The following MRM2 variants were observed in gnomAD, a reference collection of about 807,000 sequenced individuals.
MRM2 encodes the protein mitochondrial rRNA methyltransferase 2.
A neutral mutation model predicts 10.9 loss-of-function variants in MRM2; 15 were observed. The observed-to-expected ratio is 1.37, with a 90% confidence interval of 0.92 to 2.11. The LOEUF (loss-of-function observed/expected upper bound fraction) is 2.11, where lower values mean the gene tolerates loss of function less well. MRM2 is among the 30% of genes most tolerant of loss of function. The pLI is 0.00. For missense variants in MRM2, 328 were observed against 321.3 expected, an observed-to-expected ratio of 1.02 and a Z score of -0.16; for synonymous variants, 139 against 128.7, an observed-to-expected ratio of 1.08 and a Z score of -0.54.
Position 2,235,168 on chromosome 7 carries a change from A to T in MRM2, c.695T>A (p.Phe232Tyr). 1 of 1,614,176 alleles carries T rather than the reference A, an allele frequency of 6.2e-7. No individual in the cohort carries two copies. The highest frequency in any genetic ancestry group is 8.5e-7 in the Non-Finnish European group (1 of 1,180,028). The change falls in exon 3 of 3, where the codon TTC (phenylalanine) becomes TAC (tyrosine). Residue 232 changes from phenylalanine to tyrosine, a missense_variant. Coordinates refer to ENST00000242257, the MANE Select transcript of MRM2 (RefSeq NM_013393.3). ...ASRKESSEVYFLATQYHGRKG... is the reference protein window; with the variant it reads ...ASRKESSEVYYLATQYHGRKG... The stretch of plus-strand genomic sequence containing the variant: ...CCTTCCGTGGTACTGTGTGGCCAAG[A>T]AGTACACTTCTGATGACTCTTTCCT...
intron 2 of MRM2, 95 bp downstream of exon 2, chr7:2,239,323 C>T (rs1794477704): frequency 7.9e-7 from 1 of 1,262,954 alleles, no homozygotes; most frequent in Non-Finnish European, 1.2e-6. Context: ...CAAAAAAGGG[C>T]TCCACCATCC....
At chr7:2,236,145 G>C (rs989279994) in intron 2 of MRM2, among the ~76,000 whole-genome samples, 1 of 152,262 alleles carries the variant, frequency 6.6e-6, no homozygotes, top group Admixed American at 6.5e-5. Flanking sequence ...TAGGAGAATC[G>C]CTTGAACCCG....
At chr7:2,240,432 G>A (rs886405091) in intron 1 of MRM2, 5 of 300,436 alleles carry the variant, frequency 1.7e-5, no homozygotes, top group East Asian at 1.0e-4. Flanking sequence ...ACAGGGTCTC[G>A]CTCTATAGCC....
rs1388588354 is a variant in MRM2, at chr7:2,242,193, C to T, written c.-24G>A. 4 of 1,574,172 alleles carry T rather than the reference C, an allele frequency of 2.5e-6. No individual in the cohort carries two copies. On this transcript the variant is annotated 5_prime_UTR_variant, in exon 1 of 3. Coordinates refer to ENST00000242257, the MANE Select transcript of MRM2 (RefSeq NM_013393.3). ...ATTGGTGTTCCCCGCGCCTGCAGCG[C>T]GCCGCCGGAAGTGCCTGGCCTCACT...
chr7:2,238,201 C>G (rs1006016245), intron 2 of MRM2: 1 of 152,204 alleles, frequency 6.6e-6, no homozygotes, highest in Non-Finnish European at 1.5e-5. Context: ...GTTCAAATGC[C>G]AGTGCATGCA....
intron 2 of MRM2, 42 bp downstream of exon 2, chr7:2,239,376 T>C: frequency 6.4e-7 from 1 of 1,573,460 alleles, no homozygotes; most frequent in South Asian, 1.1e-5. Context: ...CCACTCAGCC[T>C]CAGGGGAGCC....
rs1330242569 is a variant in MRM2, at chr7:2,242,067, G to A, written c.8+95C>T. ...AGTGCGGGGACGGTGCCCAGCGCTCGGCACCCAGCCCCGAGGCCAGGACCG... is the reference window on the plus strand; with the variant it reads ...AGTGCGGGGACGGTGCCCAGCGCTCAGCACCCAGCCCCGAGGCCAGGACCG... On this transcript the variant is annotated intron_variant, in intron 1 of 2. Coordinates refer to ENST00000242257, the MANE Select transcript of MRM2 (RefSeq NM_013393.3). The A allele has an allele frequency of 2.4e-5, 32 of 1,344,928 alleles. No individual in the cohort carries two copies. The Admixed American group carries it at 5.7e-4, about 24-fold the overall frequency. 83.3% of individuals were successfully genotyped at this position (1,344,928 alleles called of 1,614,324 possible). A position where few individuals can be genotyped will look rare whatever the true frequency, so the allele number is the denominator to read the frequency against.
At chr7:2,239,385 C>G (rs780816237) in intron 2 of MRM2, 33 bp downstream of exon 2, 1 of 1,576,812 alleles carries the variant, frequency 6.3e-7, no homozygotes. Context: ...CTCAGGGGAG[C>G]CAGAAGGTGC....
intron 2 of MRM2, chr7:2,237,882 CTCTA>C: frequency 7.9e-6 from 1 of 126,888 alleles, no homozygotes; most frequent in South Asian, 2.5e-4. Context: ...CAGAGTGAGG[CTCTA>C]TAAACAAAAA....
intron 1 of MRM2, chr7:2,240,176 T>A (rs905987137): frequency 5.1e-6 from 2 of 388,486 alleles, no homozygotes; most frequent in Non-Finnish European, 5.2e-6. Flanking sequence ...GAGCCGAGAT[T>A]GCGCCACTGC....
rs1208708841 is a variant in MRM2 at position 2,239,536 on chromosome 7, G to A, written c.180C>T (p.Leu60=). Residue 60 remains leucine, a synonymous_variant, in exon 2 of 3, where the codon CTC becomes CTT. Coordinates refer to ENST00000242257, the MANE Select transcript of MRM2 (RefSeq NM_013393.3). ...TCTGGTGCCTCTCGTTCACCTCCAGGAGCTTGAAGGCGCTTCGACACCGGT... is the reference window on the plus strand; with the variant it reads ...TCTGGTGCCTCTCGTTCACCTCCAGAAGCTTGAAGGCGCTTCGACACCGGT... The part of the protein sequence containing the change: ...ESYRCRSAFK[L]LEVNERHQIL... The A allele has an allele frequency of 6.2e-7, 1 of 1,613,990 alleles. No individual in the cohort carries two copies. The highest frequency in any genetic ancestry group is 1.1e-5 in the South Asian group (1 of 91,088).
At chr7:2,241,865 C>T in intron 1 of MRM2, 1 of 402,022 alleles carries the variant, frequency 2.5e-6, no homozygotes, top group Non-Finnish European at 4.4e-6. Flanking sequence ...AATCCCGCCC[C>T]GGGCTCGCCC....
chr7:2,235,504 T>G lies in MRM2; in HGVS notation c.359A>C (p.Glu120Ala), dbSNP rs368045019. 1.2e-6 allele frequency: 2 copies of G among 1,613,756 alleles called. No individual in the cohort carries two copies. The highest frequency in any genetic ancestry group is 2.2e-5 in the South Asian group (2 of 91,076). The change falls in exon 3 of 3, where the codon GAA becomes GCA. Residue 120 changes from glutamate (E) to alanine (A), a missense_variant. Coordinates refer to ENST00000242257, the MANE Select transcript of MRM2 (RefSeq NM_013393.3). The stretch of plus-strand genomic sequence containing the variant: ...AGCAGGGCACAGAAAAGTTGCTCCT[T>G]CCAGGGGGAATATGTGAAGAAGATC... The part of the protein sequence containing the change: ...GVDLLHIFPL[E>A]GATFLCPADV...
rs1562401719 is a variant in MRM2, at chr7:2,239,015, ATATATATAT to A, written c.298+394_298+402del. ...TATATATATATATATATATATATAT[ATATATATAT>A]ATATAATACATATATGTATGTATCA... On this transcript the variant is annotated intron_variant, in intron 2 of 2. Transcript: ENST00000242257. 4.0e-4 allele frequency: 30 copies of A among 75,592 alleles called. 1 individual carries two copies. The highest frequency in any genetic ancestry group is 6.4e-4 in the African/African-American group (9 of 13,956). The allele number at this position is 75,592 out of a possible 1,614,324, so 4.7% of individuals were successfully genotyped here.
chr7:2,236,568 ACCCAG>A, intron 2 of MRM2, among the ~76,000 whole-genome samples: 1 of 152,102 alleles, frequency 6.6e-6, no homozygotes, highest in South Asian at 2.1e-4. Context: ...TACTCAGGAG[ACCCAG>A]CTAAAATGAG....
chr7:2,239,416 A>G lies in MRM2; in HGVS notation c.298+2T>C. The G allele has an allele frequency of 1.2e-6, 2 of 1,601,852 alleles. No individual in the cohort carries two copies. The highest frequency in any genetic ancestry group is 1.9e-4 in the Middle Eastern group (1 of 5,266). ...GGTGCCAACAGCAGTGCAGAGGCCCACCTGTGCCTGCGGCGTTGACCTTCT... is the reference window on the plus strand; with the variant it reads ...GGTGCCAACAGCAGTGCAGAGGCCCGCCTGTGCCTGCGGCGTTGACCTTCT... On this transcript the variant is annotated splice_donor_variant, in intron 2 of 2. Transcript: ENST00000242257. LOFTEE classifies it high-confidence loss of function.
chr7:2,239,682 AG>A lies in MRM2; in HGVS notation c.33del (p.Gln13SerfsTer23), dbSNP rs1482862355. 1 of 1,613,438 alleles carries A rather than the reference AG, an allele frequency of 6.2e-7. No individual in the cohort carries two copies. The highest frequency in any genetic ancestry group is 8.5e-7 in the Non-Finnish European group (1 of 1,179,542). MAGYLKLVCV[S>X]FQRQGFHTVG... is the part of the protein sequence containing the mutation. ...ACAGTGTGGAACCCTTGACGCTGAA[AG>A]GAAACACACACCAGCTTCAAGTACC... is the stretch of plus-strand genomic sequence containing the variant. On this transcript the variant is annotated frameshift_variant, in exon 2 of 3. Coordinates refer to ENST00000242257, the MANE Select transcript of MRM2 (RefSeq NM_013393.3). LOFTEE classifies it high-confidence loss of function.
At position 2,237,806 on chromosome 7, in the gene MRM2, A is replaced by C. The variant is rs114190260; in HGVS notation, c.298+1612T>G. Among the ~76,000 whole-genome samples the C allele has an allele frequency of 8.8e-3, 1,324 of 150,438 alleles. 22 individuals carry two copies. The highest frequency in any genetic ancestry group is 0.03 in the African/African-American group (1,239 of 40,776). ...AACATACAAAAATTAGCCGGAAATC[A>C]CTTAAACACAGGAGGCAAAGATTAC... On this transcript the variant is annotated intron_variant, in intron 2 of 2. Coordinates refer to ENST00000242257, the MANE Select transcript of MRM2 (RefSeq NM_013393.3).
intron 2 of MRM2, among the ~76,000 whole-genome samples, chr7:2,237,573 T>C (rs146420304): frequency 5.9e-5 from 9 of 152,194 alleles, no homozygotes; most frequent in African/African-American, 1.7e-4. Flanking sequence ...AGCTCAGCAA[T>C]GAGAAAAGGA....
Sources: allele counts gnomAD v4.1 joint callset (sites outside exome capture counted in the v4.1 genomes callset), GRCh38; gene constraint gnomAD v4.1.1; transcripts MANE v1.5; gene names NCBI Gene and HGNC (gene_info 2026-07-23, HGNC 2026-07-21).